The following CWC27 variants were observed in gnomAD, a reference collection of about 807,000 sequenced individuals.
CWC27 encodes the protein CWC27 spliceosome associated cyclophilin, also known as spliceosome-associated protein CWC27 homolog.
In CWC27, 47 loss-of-function variants were observed where a neutral mutation model predicts 63.6. The ratio of observed to expected loss-of-function variants is 0.74; its 90% confidence interval spans 0.58 to 0.94. The LOEUF (loss-of-function observed/expected upper bound fraction) is 0.94, where lower values mean the gene tolerates loss of function less well. CWC27 is among the 40% of genes least tolerant of loss of function. The pLI is 0.00. For synonymous variants in CWC27, 175 were observed against 179.8 expected (o/e 0.97, Z 0.22); for missense variants, 495 against 554.3 (o/e 0.89, Z 1.07).
chr5:64,935,770 T>C (rs1748336191), intron 11 of CWC27, among the ~76,000 whole-genome samples: 1 of 152,228 alleles, frequency 6.6e-6, no homozygotes, highest in African/African-American at 2.4e-5. Flanking sequence ...CCTCTCTTAC[T>C]TCCTTGAGCA....
intron 10 of CWC27, among the ~76,000 whole-genome samples, chr5:64,878,470 TAAAAAAAAAAAAA>T (rs397998002): frequency 8.5e-4 from 23 of 26,938 alleles, no homozygotes; most frequent in Admixed American, 5.3e-3. Context: ...GGTTACAGAT[TAAAAAAAAAAAAA>T]AAAAAAAAAA....
intron 13 of CWC27, among the ~76,000 whole-genome samples, chr5:65,004,507 A>G (rs1321662943): frequency 7.0e-6 from 1 of 143,488 alleles, no homozygotes; most frequent in Non-Finnish European, 1.5e-5. Context: ...TTTTTGTTTC[A>G]TTGATTGAAT....
intron 11 of CWC27, among the ~76,000 whole-genome samples, chr5:64,952,239 T>C (rs1177916297): frequency 6.6e-6 from 1 of 152,044 alleles, no homozygotes; most frequent in Admixed American, 6.6e-5. Context: ...AGTCTGCACA[T>C]GTTTAATACA....
intron 11 of CWC27, among the ~76,000 whole-genome samples, chr5:64,949,206 A>G (rs1250035886): frequency 6.6e-6 from 1 of 151,988 alleles, no homozygotes; most frequent in Non-Finnish European, 1.5e-5. Context: ...AAAAATATCT[A>G]GAGGTATTTT....
intron 10 of CWC27, among the ~76,000 whole-genome samples, chr5:64,882,820 T>C (rs1490118077): frequency 1.3e-5 from 2 of 152,132 alleles, no homozygotes; most frequent in African/African-American, 4.8e-5. Flanking sequence ...ATGGTCTCGA[T>C]CTCCTGACCT....
At chr5:65,003,511 A>G (rs746201249) in intron 13 of CWC27, among the ~76,000 whole-genome samples, 1 of 151,992 alleles carries the variant, frequency 6.6e-6, no homozygotes, top group East Asian at 1.9e-4. Flanking sequence ...ATACTTTCAT[A>G]TGTTTTCATG....
rs61685920 is a variant in CWC27, at chr5:64,840,394, AATATATATATATAT to A, written c.938+36032_938+36045del. Among the ~76,000 whole-genome samples the A allele has an allele frequency of 3.5e-3, 68 of 19,498 alleles. 2 individuals carry two copies. The highest frequency in any genetic ancestry group is 6.1e-3 in the African/African-American group (34 of 5,536). The allele number at this position is 19,498 out of a possible 152,430, so 12.8% of individuals were successfully genotyped here. ...AAAAAAAAAAAAAAAAAAAAAAAAA[AATATATATATATAT>A]ATATATATATATATATATATATACT... On this transcript the variant is annotated intron_variant, in intron 10 of 13. Transcript: ENST00000381070.
At chr5:64,965,028 G>A (rs898941319) in intron 11 of CWC27, among the ~76,000 whole-genome samples, 2 of 152,192 alleles carry the variant, frequency 1.3e-5, no homozygotes, top group Non-Finnish European at 2.9e-5. Context: ...AGTGGAGGTT[G>A]CAGTGAGCCA....
At chr5:64,888,420 CTT>C (rs554474849) in intron 11 of CWC27, among the ~76,000 whole-genome samples, 2,800 of 129,828 alleles carry the variant, frequency 0.022, 55 homozygotes, top group African/African-American at 0.067. Context: ...ATTATTATAA[CTT>C]TATAAATGTC....
chr5:64,904,439 A>G (rs1420512555), intron 11 of CWC27, among the ~76,000 whole-genome samples: 1 of 152,262 alleles, frequency 6.6e-6, no homozygotes, highest in Admixed American at 6.5e-5. Flanking sequence ...TAGAGAATCT[A>G]CTAAGATGAC....
At chr5:64,824,159 C>T (rs1745293229) in intron 10 of CWC27, among the ~76,000 whole-genome samples, 1 of 152,116 alleles carries the variant, frequency 6.6e-6, no homozygotes, top group African/African-American at 2.4e-5. Context: ...CTTAGGAAAA[C>T]ATCTTGCTTT....
intron 11 of CWC27, among the ~76,000 whole-genome samples, chr5:64,896,747 T>A (rs6882198): frequency 0.36 from 54,394 of 150,816 alleles, 10,312 homozygotes; most frequent in East Asian, 0.52. Flanking sequence ...GGATATTTTT[T>A]AAAAAAAAGA....
intron 13 of CWC27, among the ~76,000 whole-genome samples, chr5:64,997,986 G>A (rs1749667123): frequency 6.6e-6 from 1 of 152,084 alleles, no homozygotes; most frequent in Non-Finnish European, 1.5e-5. Flanking sequence ...AAAGACCAAC[G>A]TGGTCCTTTA....
chr5:64,954,528 T>TCC (rs1391645140), intron 11 of CWC27, among the ~76,000 whole-genome samples: 15 of 151,886 alleles, frequency 9.9e-5, no homozygotes, highest in Admixed American at 9.8e-4. Context: ...CAAAGGAGCC[T>TCC]CCCACCTTAG....
intron 5 of CWC27, 121 bp from the exon 6 acceptor site, chr5:64,786,403 T>A (rs1244346438): frequency 9.3e-6 from 5 of 539,754 alleles, no homozygotes; most frequent in Non-Finnish European, 1.6e-5. Flanking sequence ...TATATCACTA[T>A]ACTAATAATG....
intron 13 of CWC27, among the ~76,000 whole-genome samples, chr5:64,983,477 C>T (rs1441700081): frequency 6.6e-6 from 1 of 152,190 alleles, no homozygotes; most frequent in Non-Finnish European, 1.5e-5. Context: ...GTCCCCGAGT[C>T]ACACTTTGAG....
At chr5:64,784,324 A>G (rs1421552546) in intron 4 of CWC27, among the ~76,000 whole-genome samples, 1 of 152,172 alleles carries the variant, frequency 6.6e-6, no homozygotes, top group African/African-American at 2.4e-5. Flanking sequence ...AGTAGTTTAC[A>G]GTTTATTTTC....
rs80031639 is a variant in CWC27, at chr5:65,006,676, C to T, written c.1257-11483C>T. 6.4e-3 allele frequency among the ~76,000 whole-genome samples: 973 copies of T among 151,920 alleles called. 14 individuals carry two copies. The highest frequency in any genetic ancestry group is 0.022 in the African/African-American group (931 of 41,442). On this transcript the variant is annotated intron_variant, in intron 13 of 13. Transcript: ENST00000381070. The stretch of plus-strand genomic sequence containing the variant: ...ATACCAGTAGAAGGAGGGAGAGAAA[C>T]ATGCAAACAAATATAGCCACAAAAT...
chr5:64,977,161 A>T lies in CWC27; in HGVS notation c.1179A>T (p.Lys393Asn). ...CCCTTGCACTGCTGAACCAGTTTAA[A>T]TCTAAACTCACTCAAGCAATTGCTG... ...DQTLALLNQF[K>N]SKLTQAIAET... Residue 393 changes from lysine to asparagine, a missense_variant, in exon 13 of 14, where the codon AAA (lysine) becomes AAT (asparagine). By Grantham distance (94) the Lys-to-Asn change is moderately conservative. Coordinates refer to ENST00000381070, the MANE Select transcript of CWC27 (RefSeq NM_005869.4). 6.2e-7 allele frequency: 1 copy of T among 1,611,980 alleles called. No individual in the cohort carries two copies. Among genetic ancestry groups the T allele is most frequent in the Non-Finnish European group, 8.5e-7 (1 of 1,178,766 alleles).
Sources: gnomAD v4.1 joint callset for allele counts (sites outside exome capture counted in the v4.1 genomes callset) on GRCh38, gnomAD v4.1.1 for gene constraint, MANE v1.5 for transcripts, NCBI Gene and HGNC (gene_info 2026-07-23, HGNC 2026-07-21) for gene names.